TET1: variants seen among roughly 807,000 people sequenced by gnomAD.
TET1 encodes methylcytosine dioxygenase TET1.
Under a neutral mutation model 148.7 loss-of-function variants are expected in TET1, and 13 were observed. That is an observed-to-expected ratio of 0.09 (90% confidence interval 0.06 to 0.14). The LOEUF is 0.14. Ranked by LOEUF, TET1 falls within the 10% of genes least tolerant of loss-of-function variation. The probability of loss-of-function intolerance (pLI) is 1.00; values close to 1 mark genes in which losing one functional copy is unlikely to be tolerated. For synonymous variants in TET1, 907 were observed against 937.2 expected, an observed-to-expected ratio of 0.97 and a Z score of 0.59; for missense variants, 2,182 against 2,553.8, an observed-to-expected ratio of 0.85 and a Z score of 3.14.
At chr10:68,633,653 G>A (rs1464445502) in intron 3 of TET1, among the ~76,000 whole-genome samples, 1 of 152,052 alleles carries the variant, frequency 6.6e-6, no homozygotes, top group African/African-American at 2.4e-5. Flanking sequence ...ACCCCACGCT[G>A]GTCCTGACCT....
chr10:68,649,036 C>G (rs2054891861), intron 4 of TET1, among the ~76,000 whole-genome samples: 1 of 152,156 alleles, frequency 6.6e-6, no homozygotes, highest in Non-Finnish European at 1.5e-5. Context: ...GAAAAAGTTT[C>G]TTGAATTAAG....
intron 2 of TET1, among the ~76,000 whole-genome samples, chr10:68,595,981 TATACACAC>T (rs1226708923): frequency 1.7e-4 from 7 of 40,848 alleles, no homozygotes; most frequent in African/African-American, 4.9e-4. Flanking sequence ...CACACACATA[TATACACAC>T]ACACACACAC....
At chr10:68,563,855 T>C (rs1285191782) in intron 1 of TET1, among the ~76,000 whole-genome samples, 1 of 152,122 alleles carries the variant, frequency 6.6e-6, no homozygotes, top group Non-Finnish European at 1.5e-5. Context: ...CTAATTTTTG[T>C]ATTTTTAGTA....
At chr10:68,607,567 G>A (rs1311379318) in intron 3 of TET1, among the ~76,000 whole-genome samples, 1 of 151,498 alleles carries the variant, frequency 6.6e-6, no homozygotes, top group African/African-American at 2.4e-5. Context: ...CAAATAGCTG[G>A]GATCACAGGC....
chr10:68,607,839 A>T (rs200269294), intron 3 of TET1, among the ~76,000 whole-genome samples: 1 of 142,526 alleles, frequency 7.0e-6, no homozygotes, highest in Non-Finnish European at 1.5e-5. Context: ...TATATATATA[A>T]ATATAAATAT....
At position 68,693,110 on chromosome 10, in the gene TET1, ACT is replaced by A. The variant is rs1179779370; in HGVS notation, c.*1298_*1299del. ...GCATACTAGATTTGGGAAAATGATAACTCATCTTTTCTGATAATTGCCTATGT... is the reference window on the plus strand; with the variant it reads ...GCATACTAGATTTGGGAAAATGATAACATCTTTTCTGATAATTGCCTATGT... On this transcript the variant is annotated 3_prime_UTR_variant, in exon 12 of 12. Transcript: ENST00000373644. 4.3e-6 allele frequency: 1 copy of A among 230,206 alleles called. No individual in the cohort carries two copies. Among genetic ancestry groups the A allele is most frequent in the African/African-American group, 2.2e-5 (1 of 44,532 alleles). 14.3% of individuals were successfully genotyped at this position (230,206 alleles called of 1,614,324 possible). A position where few individuals can be genotyped will look rare whatever the true frequency, so the allele number is the denominator to read the frequency against.
intron 10 of TET1, among the ~76,000 whole-genome samples, chr10:68,684,148 G>A (rs1589134266): frequency 2.0e-5 from 3 of 152,062 alleles, no homozygotes; most frequent in South Asian, 2.1e-4. Context: ...CACCTACTTC[G>A]GAGGCCAAGA....
chr10:68,661,039 G>T (rs2055102367), intron 6 of TET1, among the ~76,000 whole-genome samples: 2 of 148,862 alleles, frequency 1.3e-5, no homozygotes, highest in Non-Finnish European at 3.0e-5. Context: ...TTTTGTTTTT[G>T]TTTTTTTTGA....
intron 8 of TET1, among the ~76,000 whole-genome samples, chr10:68,679,019 T>G (rs2055401291): frequency 6.6e-6 from 1 of 151,492 alleles, no homozygotes; most frequent in Non-Finnish European, 1.5e-5. Context: ...CTACTAAAAA[T>G]GGAAAAAATT....
intron 3 of TET1, among the ~76,000 whole-genome samples, chr10:68,637,845 G>T (rs1589100707): frequency 1.3e-5 from 2 of 151,620 alleles, no homozygotes; most frequent in South Asian, 2.1e-4. Context: ...CTCCAGCATG[G>T]GTGACAGAGT....
intron 2 of TET1, among the ~76,000 whole-genome samples, chr10:68,594,513 A>G (rs1232504041): frequency 1.3e-5 from 2 of 152,152 alleles, no homozygotes; most frequent in African/African-American, 4.8e-5. Flanking sequence ...GAAGAGCAAG[A>G]GTAGCCTCAG....
chr10:68,632,280 C>A, intron 3 of TET1: 3 of 1,063,554 alleles, frequency 2.8e-6, no homozygotes, highest in African/African-American at 1.6e-5. Flanking sequence ...CGAGATCCCG[C>A]CACTGCACTC....
intron 2 of TET1, among the ~76,000 whole-genome samples, chr10:68,579,388 G>T (rs540339304): frequency 4.6e-5 from 7 of 152,238 alleles, no homozygotes; most frequent in African/African-American, 1.7e-4. Flanking sequence ...AGTTCTGAGC[G>T]CTACCACCTC....
chr10:68,586,611 G>T (rs2795869), intron 2 of TET1, among the ~76,000 whole-genome samples: 6,233 of 151,202 alleles, frequency 0.041, 148 homozygotes, highest in Middle Eastern at 0.07. Flanking sequence ...GGTATTACAG[G>T]CATGAGGCAC....
chr10:68,632,483 C>G, intron 3 of TET1: 1 of 1,612,766 alleles, frequency 6.2e-7, no homozygotes, highest in Non-Finnish European at 8.5e-7. Flanking sequence ...TTGTATGGTT[C>G]ATTAGGATCT....
chr10:68,583,786 C>T (rs915451343), intron 2 of TET1, among the ~76,000 whole-genome samples: 9 of 152,144 alleles, frequency 5.9e-5, no homozygotes, highest in Middle Eastern at 3.4e-3. Flanking sequence ...TGGCGCGTGT[C>T]TGTAGTCCTA....
intron 3 of TET1, among the ~76,000 whole-genome samples, chr10:68,612,697 T>C (rs1339236266): frequency 6.6e-6 from 1 of 152,090 alleles, no homozygotes; most frequent in Non-Finnish European, 1.5e-5. Context: ...CGGCTCACTG[T>C]AGCCTCACCT....
chr10:68,607,725 A>G (rs1017491332), intron 3 of TET1, among the ~76,000 whole-genome samples: 2 of 150,392 alleles, frequency 1.3e-5, no homozygotes, highest in African/African-American at 4.9e-5. Flanking sequence ...TTCTTAATTC[A>G]TTTTTAAGTG....
At position 68,645,320 on chromosome 10, in the gene TET1, G is replaced by A. The variant is rs1208117050; in HGVS notation, c.2591G>A (p.Ser864Asn). 6.2e-7 allele frequency: 1 copy of A among 1,613,930 alleles called. No homozygotes were observed. The highest frequency in any genetic ancestry group is 8.5e-7 in the Non-Finnish European group (1 of 1,180,030). The change falls in exon 4 of 12, where the codon AGT (serine) becomes AAT (asparagine). Residue 864 changes from serine (S) to asparagine (N), a missense_variant. Physicochemically the swap from Ser to Asn is conservative, Grantham distance 46 (BLOSUM62 1). Transcript: ENST00000373644. ...CCAAAAACTCCTGAGAATATACCAA[G>A]TAAAGAACCAAAAGATGGATCTCCC... ...DQPKTPENIP[S>N]KEPKDGSPVQ...
Sources: gnomAD v4.1 joint callset for allele counts (sites outside exome capture counted in the v4.1 genomes callset) on GRCh38, gnomAD v4.1.1 for gene constraint, MANE v1.5 for transcripts, NCBI Gene and HGNC (gene_info 2026-07-23, HGNC 2026-07-21) for gene names.